TARS3: variants seen among roughly 807,000 people sequenced by gnomAD.
TARS3 encodes threonyl-tRNA synthetase 3.
A neutral mutation model predicts 103.5 loss-of-function variants in TARS3; 94 were observed. That is an observed-to-expected ratio of 0.91 (90% CI 0.77 to 1.08). The LOEUF (loss-of-function observed/expected upper bound fraction) is 1.08. TARS3 is among the 50% of genes least tolerant of loss of function. The pLI, the probability that TARS3 is intolerant of heterozygous loss-of-function variation, is 0.00. For missense variants in TARS3, 952 were observed against 995.2 expected, an observed-to-expected ratio of 0.96 and a Z score of 0.58; for synonymous variants, 416 against 355.4, an observed-to-expected ratio of 1.17 and a Z score of -1.92.
intron 3 of TARS3, among the ~76,000 whole-genome samples, 188 bp from the exon 4 acceptor site, chr15:101,715,151 T>TA (rs1900080301): frequency 6.9e-6 from 1 of 144,690 alleles, no homozygotes; most frequent in South Asian, 2.1e-4. Context: ...CATTCACTGT[T>TA]TTTTTTTTTT....
chr15:101,680,090 G>GT (rs1281952117), intron 12 of TARS3, among the ~76,000 whole-genome samples: 2 of 152,204 alleles, frequency 1.3e-5, no homozygotes, highest in Admixed American at 6.5e-5. Context: ...ACACTGCTGG[G>GT]TTGGGGGAGG....
At chr15:101,686,977 A>C (rs187060926) in intron 10 of TARS3, among the ~76,000 whole-genome samples, 18 of 152,138 alleles carry the variant, frequency 1.2e-4, no homozygotes, top group Non-Finnish European at 1.8e-4. Context: ...ATTACTAACA[A>C]TGGTTTTATA....
At chr15:101,720,010 T>C (rs1900367707) in intron 3 of TARS3, among the ~76,000 whole-genome samples, 2 of 152,236 alleles carry the variant, frequency 1.3e-5, no homozygotes, top group African/African-American at 4.8e-5. Flanking sequence ...TGAGAAATAC[T>C]GACCCAACAC....
chr15:101,704,831 C>G (rs1899472326), intron 7 of TARS3, among the ~76,000 whole-genome samples: 2 of 151,942 alleles, frequency 1.3e-5, no homozygotes, highest in South Asian at 4.1e-4. Context: ...AAAACTTGGC[C>G]TGTTTTCTAC....
chr15:101,724,458 G>T lies in TARS3; in HGVS notation c.-71C>A. The T allele has an allele frequency of 1.5e-6, 2 of 1,350,998 alleles. No individual in the cohort carries two copies. Among genetic ancestry groups the T allele is most frequent in the Non-Finnish European group, 1.9e-6 (2 of 1,059,138 alleles). 83.7% of individuals were successfully genotyped at this position (1,350,998 alleles called of 1,614,324 possible). On this transcript the variant is annotated 5_prime_UTR_variant, in exon 1 of 19. The change creates a new upstream start codon in the 5' untranslated region. Transcript: ENST00000335968. ...GCGGCGAGGGCGACGCGGACACTCA[G>T]CGCACGGCAGAAGACAGGGCTCCCG...
At chr15:101,661,187 C>T (rs1567322098) in intron 16 of TARS3, among the ~76,000 whole-genome samples, 1 of 152,148 alleles carries the variant, frequency 6.6e-6, no homozygotes, top group East Asian at 1.9e-4. Flanking sequence ...CTTTAGGACA[C>T]TTCCCTTCCC....
chr15:101,708,971 T>C (rs1003242718), intron 5 of TARS3, 61 bp from the exon 6 acceptor site: 7 of 1,128,932 alleles, frequency 6.2e-6, no homozygotes, highest in African/African-American at 1.6e-5. Context: ...CCCTCTTTCC[T>C]TTGTCCTGGA....
rs371577525 is a variant in TARS3 at position 101,660,677 on chromosome 15, G to A, written c.2072+1035C>T. Among the ~76,000 whole-genome samples the A allele has an allele frequency of 3.9e-5, 6 of 152,266 alleles. No individual in the cohort carries two copies. In the East Asian group the frequency reaches 7.7e-4, roughly 20 times the overall value. ...TTACCCCAGGTTATGGTACCATCCC[G>A]GGGGATCACAATTAATCACTGACTG... On this transcript the variant is annotated intron_variant, in intron 16 of 18. Transcript: ENST00000335968.
chr15:101,682,785 G>C (rs1459957554), intron 12 of TARS3, among the ~76,000 whole-genome samples: 1 of 152,144 alleles, frequency 6.6e-6, no homozygotes, highest in East Asian at 1.9e-4. Context: ...GTGTAGGAAG[G>C]TTTTTAACTA....
At chr15:101,675,579 A>G in intron 13 of TARS3, 21 bp downstream of exon 13, 3 of 1,602,442 alleles carry the variant, frequency 1.9e-6, no homozygotes, top group South Asian at 2.3e-5. Context: ...ATGAAGAGGA[A>G]GCACAAGGTG....
In TARS3 at chr15:101,714,851, C is replaced by T. The variant is rs1900056764; in HGVS notation, c.679G>A (p.Glu227Lys). The T allele has an allele frequency of 1.9e-6, 3 of 1,604,958 alleles. No homozygotes were observed. The highest frequency in any genetic ancestry group is 2.6e-6 in the Non-Finnish European group (3 of 1,174,866). Residue 227 changes from glutamate to lysine, a missense_variant, in exon 4 of 19, where the codon GAA becomes AAA. Physicochemically the swap from Glu to Lys is moderately conservative, Grantham distance 56. Around this residue, in one of 2 missense-constraint regions of TARS3, gnomAD observed 412 missense variants for 364.2 expected, o/e 1.13. Transcript: ENST00000335968. ...TTTTAAATACTCACAGCTTGAGCTTCCTCATTATCAAATGTAAGCAGCTCT... is the reference window on the plus strand; with the variant it reads ...TTTTAAATACTCACAGCTTGAGCTTTCTCATTATCAAATGTAAGCAGCTCT... ...SLELLTFDNE[E>K]AQAVYWHSSA... is the part of the protein sequence containing the mutation.
chr15:101,715,011 T>C, intron 3 of TARS3, 48 bp from the exon 4 acceptor site: 2 of 1,549,030 alleles, frequency 1.3e-6, no homozygotes, highest in Non-Finnish European at 1.7e-6. Flanking sequence ...ACTGTTACAA[T>C]GATTCCTTAA....
At chr15:101,712,104 G>A (rs2141446444) in intron 4 of TARS3, 103 bp from the exon 5 acceptor site, 1 of 1,276,126 alleles carries the variant, frequency 7.8e-7, no homozygotes, top group East Asian at 2.6e-5. Flanking sequence ...GAGATACATG[G>A]CAAGACCAAG....
chr15:101,715,750 G>C (rs1210552986), intron 3 of TARS3, among the ~76,000 whole-genome samples: 1 of 152,076 alleles, frequency 6.6e-6, no homozygotes, highest in African/African-American at 2.4e-5. Flanking sequence ...TGCTATCATA[G>C]AGTATATCAC....
chr15:101,676,618 G>A (rs558512069), intron 12 of TARS3, among the ~76,000 whole-genome samples: 7 of 152,014 alleles, frequency 4.6e-5, no homozygotes, highest in African/African-American at 1.7e-4. Flanking sequence ...CATGCCTCAG[G>A]CTCCCGAGTA....
chr15:101,675,468 A>G, intron 13 of TARS3, 132 bp downstream of exon 13: 1 of 787,766 alleles, frequency 1.3e-6, no homozygotes, highest in Non-Finnish European at 2.1e-6. Context: ...TCTACAACCT[A>G]TATATCTATC....
intron 13 of TARS3, among the ~76,000 whole-genome samples, chr15:101,672,093 C>T (rs562242495): frequency 1.3e-5 from 2 of 152,194 alleles, no homozygotes; most frequent in South Asian, 2.1e-4. Flanking sequence ...CTCCTGGTGA[C>T]GGGCCTCCAC....
intron 3 of TARS3, among the ~76,000 whole-genome samples, chr15:101,717,328 C>T (rs1900205286): frequency 6.6e-6 from 1 of 152,174 alleles, no homozygotes; most frequent in Non-Finnish European, 1.5e-5. Context: ...TAGGACCTTC[C>T]TCATTCATCT....
chr15:101,667,607 G>A (rs1164289484), intron 15 of TARS3, among the ~76,000 whole-genome samples: 2 of 150,972 alleles, frequency 1.3e-5, no homozygotes, highest in East Asian at 3.9e-4. Flanking sequence ...TTTCACTCTT[G>A]TTGTCCAGGC....
Sources: gnomAD v4.1 joint callset for allele counts (sites outside exome capture counted in the v4.1 genomes callset) on GRCh38, gnomAD v4.1.1 for gene constraint, gnomAD v4.1.1 regional missense constraint, MANE v1.5 for transcripts, NCBI Gene and HGNC (gene_info 2026-07-23, HGNC 2026-07-21) for gene names.